The following CCM2 variants were observed in gnomAD, a reference collection of about 807,000 sequenced individuals.
CCM2 encodes the protein CCM2 scaffold protein.
A neutral mutation model predicts 44.9 loss-of-function variants in CCM2; 25 were observed. That is an observed-to-expected ratio of 0.56 (90% CI 0.41 to 0.78). CCM2 has a LOEUF of 0.78. Ranked by LOEUF, CCM2 falls within the 30% of genes least tolerant of loss-of-function variation. CCM2 has a pLI of 0.00. For synonymous variants in CCM2, 219 were observed against 241.1 expected (o/e 0.91, Z 0.85); for missense variants, 481 against 580.6 (o/e 0.83, Z 1.76).
intron 2 of CCM2, among the ~76,000 whole-genome samples, chr7:45,049,826 A>G (rs756040594): frequency 3.3e-5 from 5 of 152,216 alleles, no homozygotes; most frequent in Non-Finnish European, 7.3e-5. Flanking sequence ...CACCTGAGTC[A>G]AGCAACTGTG....
chr7:45,000,684 G>A (rs1795575161), intron 1 of CCM2, among the ~76,000 whole-genome samples: 1 of 152,256 alleles, frequency 6.6e-6, no homozygotes, highest in South Asian at 2.1e-4. Flanking sequence ...GTCCAGGGCT[G>A]GAACTGGAGC....
chr7:45,045,312 C>T (rs1797700279), intron 2 of CCM2, among the ~76,000 whole-genome samples: 1 of 152,056 alleles, frequency 6.6e-6, no homozygotes, highest in African/African-American at 2.4e-5. Flanking sequence ...TATTGATTTC[C>T]ATAAATGGGA....
Position 45,065,533 on chromosome 7 carries a change from A to C in CCM2, c.472+887A>C, listed in dbSNP as rs75316839. ...GAGAGGGGAATTTGTTGTTCCACTT[A>C]AGGTCAGTAGTTCATTGAGAATCTG... On this transcript the variant is annotated intron_variant, in intron 4 of 9. Coordinates refer to ENST00000258781, the MANE Select transcript of CCM2 (RefSeq NM_031443.4). 2.0e-3 allele frequency among the ~76,000 whole-genome samples: 300 copies of C among 152,292 alleles called. 2 individuals carry two copies. The highest frequency in any genetic ancestry group is 6.8e-3 in the African/African-American group (283 of 41,568).
intron 2 of CCM2, among the ~76,000 whole-genome samples, chr7:45,045,530 G>T (rs946218791): frequency 6.6e-5 from 10 of 152,176 alleles, no homozygotes; most frequent in African/African-American, 2.4e-4. Flanking sequence ...GGTGGCTCAC[G>T]CCTGTAATCC....
intron 1 of CCM2, among the ~76,000 whole-genome samples, chr7:45,003,400 A>T (rs966704105): frequency 1.3e-5 from 2 of 152,136 alleles, no homozygotes; most frequent in African/African-American, 4.8e-5. Flanking sequence ...ACTTGGATGC[A>T]CTTAAGTTGG....
rs537614611 is a variant in CCM2, at chr7:45,039,459, C to T, written c.204+1033C>T. 1.5e-3 allele frequency among the ~76,000 whole-genome samples: 223 copies of T among 152,326 alleles called. 2 individuals carry two copies. The highest frequency in any genetic ancestry group is 0.01 in the Middle Eastern group (3 of 294). ...CCTGAATAAACTCCAACAGTCAGGA[C>T]TCCCGCCAGGCATCCGACGTCTGTC... On this transcript the variant is annotated intron_variant, in intron 2 of 9. Transcript: ENST00000258781.
intron 2 of CCM2, among the ~76,000 whole-genome samples, chr7:45,058,947 G>T (rs1412212884): frequency 2.1e-5 from 3 of 146,226 alleles, no homozygotes; most frequent in African/African-American, 7.7e-5. Flanking sequence ...GTTTTGCCAT[G>T]TTGGCCAGGC....
chr7:45,073,401 A>T, intron 7 of CCM2, 59 bp from the exon 8 acceptor site: 1 of 1,154,550 alleles, frequency 8.7e-7, no homozygotes, highest in East Asian at 2.4e-5. Flanking sequence ...GTTTCCTGAA[A>T]CGTGTGTGGG....
At chr7:44,999,827 G>A (rs750046531), upstream of CCM2, 1 of 412,174 alleles carries the variant, frequency 2.4e-6, no homozygotes, top group South Asian at 1.7e-5. Flanking sequence ...CGCGCGCGCT[G>A]AGTGGGCGGA....
At chr7:45,050,646 G>A (rs1562893484) in intron 2 of CCM2, among the ~76,000 whole-genome samples, 1 of 152,166 alleles carries the variant, frequency 6.6e-6, no homozygotes, top group Non-Finnish European at 1.5e-5. Flanking sequence ...CAAAAGTCAG[G>A]TCTCTTTCAG....
At chr7:45,074,155 T>G in intron 8 of CCM2, 115 bp from the exon 9 acceptor site, 1 of 1,569,826 alleles carries the variant, frequency 6.4e-7, no homozygotes, top group Non-Finnish European at 8.6e-7. Flanking sequence ...TGTGCAGAGG[T>G]GAAGCCAGAG....
At chr7:45,071,782 TC>T in intron 6 of CCM2, 1 of 456,726 alleles carries the variant, frequency 2.2e-6, no homozygotes, top group Non-Finnish European at 4.4e-6. Flanking sequence ...AGTCACATCT[TC>T]CTTTGACTGT....
chr7:45,036,392 G>A (rs1039002477), intron 1 of CCM2, among the ~76,000 whole-genome samples: 2 of 151,598 alleles, frequency 1.3e-5, no homozygotes, highest in Non-Finnish European at 2.9e-5. Context: ...CTGTCAGGAG[G>A]CAGCAGGGTC....
At chr7:45,001,441 G>C (rs1398335966) in intron 1 of CCM2, among the ~76,000 whole-genome samples, 3 of 152,252 alleles carry the variant, frequency 2.0e-5, no homozygotes, top group African/African-American at 4.8e-5. Flanking sequence ...TTAGAGATGC[G>C]TGCTGCGCAC....
chr7:45,013,962 T>C (rs1796160889), intron 1 of CCM2, among the ~76,000 whole-genome samples: 1 of 152,152 alleles, frequency 6.6e-6, no homozygotes, highest in African/African-American at 2.4e-5. Context: ...GGTTACTTGG[T>C]TAAGATAGTC....
chr7:45,009,516 T>C (rs1471933525), intron 1 of CCM2, among the ~76,000 whole-genome samples: 1 of 148,364 alleles, frequency 6.7e-6, no homozygotes, highest in Non-Finnish European at 1.5e-5. Context: ...GCGATTCTCC[T>C]GCCTCAGCCT....
At chr7:45,017,444 G>A (rs572685381) in intron 1 of CCM2, among the ~76,000 whole-genome samples, 46 of 152,334 alleles carry the variant, frequency 3.0e-4, no homozygotes, top group African/African-American at 1.0e-3. Context: ...CAGGAGGTCA[G>A]TTGGCATCTG....
At chr7:45,003,504 A>G (rs1392295310) in intron 1 of CCM2, among the ~76,000 whole-genome samples, 1 of 152,084 alleles carries the variant, frequency 6.6e-6, no homozygotes. Flanking sequence ...AGGCCGAAGC[A>G]GGCGGATCAC....
At chr7:45,068,865 C>T (rs1427246274) in intron 5 of CCM2, among the ~76,000 whole-genome samples, 7 of 152,242 alleles carry the variant, frequency 4.6e-5, no homozygotes, top group African/African-American at 1.7e-4. Context: ...CCGGTTCCCA[C>T]CCCTGTGCCT....
Sources: allele counts gnomAD v4.1 joint callset (sites outside exome capture counted in the v4.1 genomes callset), GRCh38; gene constraint gnomAD v4.1.1; transcripts MANE v1.5; gene names NCBI Gene and HGNC (gene_info 2026-07-23, HGNC 2026-07-21).